Variants in AGBL4 observed in about 807,000 individuals in gnomAD.
AGBL4 encodes cytosolic carboxypeptidase 6.
A neutral mutation model predicts 66.4 loss-of-function variants in AGBL4; 58 were observed. That is an observed-to-expected ratio of 0.87 (90% CI 0.71 to 1.09). The LOEUF is 1.09. AGBL4 is among the 50% of genes least tolerant of loss of function. AGBL4 has a pLI of 0.00. For missense variants in AGBL4, 579 were observed against 631.0 expected (o/e 0.92, Z 0.88); for synonymous variants, 234 against 222.9 (o/e 1.05, Z -0.44).
At chr1:49,776,149 A>G (rs899530816) in intron 2 of AGBL4, among the ~76,000 whole-genome samples, 1 of 152,090 alleles carries the variant, frequency 6.6e-6, no homozygotes, top group African/African-American at 2.4e-5. Context: ...GGAAGCTTAG[A>G]AAAAATGGTG....
chr1:49,273,363 T>C lies in AGBL4; in HGVS notation c.283-27499A>G, dbSNP rs1644100257. Reference sequence around the variant, plus strand: ...GTCTATATACAAAGTATATTAAAAATAAAAACATTTTTATAAAAGAATATA... The same window carrying C: ...GTCTATATACAAAGTATATTAAAAACAAAAACATTTTTATAAAAGAATATA... On this transcript the variant is annotated intron_variant, in intron 3 of 13. Transcript: ENST00000371839. 4.6e-5 allele frequency among the ~76,000 whole-genome samples: 7 copies of C among 151,582 alleles called. No homozygotes were observed. The South Asian group carries it at 1.5e-3, about 31-fold the overall frequency.
intron 1 of AGBL4, among the ~76,000 whole-genome samples, chr1:49,851,837 A>G (rs1405398947): frequency 1.3e-5 from 2 of 152,176 alleles, no homozygotes; most frequent in Non-Finnish European, 2.9e-5. Context: ...TATATAAACT[A>G]TATCTACTAT....
Position 49,396,778 on chromosome 1 carries a change from G to A in AGBL4, c.283-150914C>T, listed in dbSNP as rs1039274041. ...TTGAATTTTGCTCTAAAAGAAAAAAGCCCCAGACATTTCCTCTTTCTGCAC... is the reference window on the plus strand; with the variant it reads ...TTGAATTTTGCTCTAAAAGAAAAAAACCCCAGACATTTCCTCTTTCTGCAC... On this transcript the variant is annotated intron_variant, in intron 3 of 13. Coordinates refer to ENST00000371839, the MANE Select transcript of AGBL4 (RefSeq NM_032785.4). 3.3e-5 allele frequency among the ~76,000 whole-genome samples: 5 copies of A among 152,152 alleles called. No individual in the cohort carries two copies. The South Asian group carries it at 1.0e-3, about 32-fold the overall frequency.
chr1:49,793,842 G>A (rs996594202), intron 2 of AGBL4, among the ~76,000 whole-genome samples: 10 of 151,872 alleles, frequency 6.6e-5, no homozygotes, highest in African/African-American at 2.4e-4. Flanking sequence ...TATTAGAAGA[G>A]GATCCAATAA....
chr1:49,360,094 A>C (rs575092142), intron 3 of AGBL4, among the ~76,000 whole-genome samples: 4 of 152,286 alleles, frequency 2.6e-5, no homozygotes, highest in Admixed American at 6.5e-5. Flanking sequence ...TCCACCAAGA[A>C]GATTTTTCTC....
intron 5 of AGBL4, among the ~76,000 whole-genome samples, chr1:48,869,029 C>T (rs1249121202): frequency 6.6e-6 from 1 of 152,158 alleles, no homozygotes; most frequent in Non-Finnish European, 1.5e-5. Context: ...GGTCACCCTC[C>T]TTCTTCATTA....
intron 8 of AGBL4, among the ~76,000 whole-genome samples, chr1:48,653,077 G>A (rs1645957816): frequency 6.6e-6 from 1 of 152,226 alleles, no homozygotes; most frequent in Non-Finnish European, 1.5e-5. Context: ...TGGAAAGTAG[G>A]TGCCAAAACT....
intron 3 of AGBL4, among the ~76,000 whole-genome samples, chr1:49,618,017 C>G (rs1178538734): frequency 6.6e-6 from 1 of 152,110 alleles, no homozygotes; most frequent in African/African-American, 2.4e-5. Context: ...CTCCCAACAC[C>G]CGACACGCCC....
intron 3 of AGBL4, among the ~76,000 whole-genome samples, chr1:49,463,717 G>A (rs1646564873): frequency 6.6e-6 from 1 of 151,742 alleles, no homozygotes; most frequent in Non-Finnish European, 1.5e-5. Flanking sequence ...CAAACAAGGG[G>A]AGAGCCACAT....
At chr1:49,016,310 T>C (rs1662821407) in intron 5 of AGBL4, among the ~76,000 whole-genome samples, 1 of 152,190 alleles carries the variant, frequency 6.6e-6, no homozygotes, top group African/African-American at 2.4e-5. Flanking sequence ...CACTGGGGGT[T>C]ACTCATCCCA....
At chr1:49,340,580 A>C (rs936452086) in intron 3 of AGBL4, among the ~76,000 whole-genome samples, 6 of 152,128 alleles carry the variant, frequency 3.9e-5, no homozygotes, top group African/African-American at 1.4e-4. Flanking sequence ...CCTCAACTTA[A>C]ATTTCTCTCC....
At chr1:49,406,351 T>G (rs572009350) in intron 3 of AGBL4, among the ~76,000 whole-genome samples, 70 of 152,322 alleles carry the variant, frequency 4.6e-4, no homozygotes, top group African/African-American at 1.6e-3. Context: ...CAACATTTGG[T>G]ATGATATTTA....
chr1:49,387,667 T>C (rs1644763549), intron 3 of AGBL4, among the ~76,000 whole-genome samples: 1 of 152,086 alleles, frequency 6.6e-6, no homozygotes, highest in African/African-American at 2.4e-5. Flanking sequence ...TCTTAGTTTT[T>C]GCTATTATGT....
rs986849954 is a variant in AGBL4, at chr1:49,754,540, T to G, written c.158-57103A>C. The stretch of plus-strand genomic sequence containing the variant: ...GTGCAGCCTGTGCAACAGCAAAGAT[T>G]GCTGCCTGCTCCTTCCTCTGGAAAC... On this transcript the variant is annotated intron_variant, in intron 2 of 13. Coordinates refer to ENST00000371839, the MANE Select transcript of AGBL4 (RefSeq NM_032785.4). 2.6e-5 allele frequency among the ~76,000 whole-genome samples: 4 copies of G among 152,278 alleles called. No individual in the cohort carries two copies. The South Asian group carries it at 8.3e-4, about 32-fold the overall frequency.
intron 1 of AGBL4, among the ~76,000 whole-genome samples, chr1:49,947,143 G>A (rs1008578564): frequency 2.0e-5 from 3 of 151,794 alleles, no homozygotes; most frequent in African/African-American, 7.3e-5. Flanking sequence ...CAATCCTATT[G>A]ACACTATTCC....
At chr1:48,678,255 C>T (rs954919504) in intron 6 of AGBL4, among the ~76,000 whole-genome samples, 1 of 152,298 alleles carries the variant, frequency 6.6e-6, no homozygotes, top group Non-Finnish European at 1.5e-5. Context: ...TCTGCCCCAC[C>T]TTTGCTCTCT....
At chr1:48,567,133 T>C (rs1266092342) in intron 11 of AGBL4, among the ~76,000 whole-genome samples, 2 of 152,234 alleles carry the variant, frequency 1.3e-5, no homozygotes, top group South Asian at 2.1e-4. Context: ...CTTTGTTTTC[T>C]AATGTATATA....
chr1:48,911,023 G>A (rs561466508), intron 5 of AGBL4, among the ~76,000 whole-genome samples: 5 of 152,300 alleles, frequency 3.3e-5, no homozygotes. Flanking sequence ...TTTCTGGACA[G>A]AACTGGTTTT....
At position 49,045,651 on chromosome 1, in the gene AGBL4, T is replaced by C; in HGVS notation, c.527A>G (p.His176Arg). The change falls in exon 5 of 14, where the codon CAT becomes CGT. Residue 176 changes from histidine (H) to arginine (R), a missense_variant. Physicochemically the swap from His to Arg is conservative, Grantham distance 29. Coordinates refer to ENST00000371839, the MANE Select transcript of AGBL4 (RefSeq NM_032785.4). ...TCTCTTTTGCAGGCTGTCAAGGTAA[T>C]GTTGGAAGCGAGTGTATGTATATGG... is the stretch of plus-strand genomic sequence containing the variant. ...CYPYTYTRFQ[H>R]YLDSLQKRNM... The C allele has an allele frequency of 2.5e-6, 4 of 1,594,922 alleles. No homozygotes were observed. The highest frequency in any genetic ancestry group is 3.4e-6 in the Non-Finnish European group (4 of 1,169,702).
Sources: gnomAD v4.1 joint callset for allele counts (sites outside exome capture counted in the v4.1 genomes callset) on GRCh38, gnomAD v4.1.1 for gene constraint, MANE v1.5 for transcripts, NCBI Gene and HGNC (gene_info 2026-07-23, HGNC 2026-07-21) for gene names.